The following MCM8 variants were observed in gnomAD, a reference collection of about 807,000 sequenced individuals.
MCM8 encodes minichromosome maintenance 8 homologous recombination repair factor, also known as DNA helicase MCM8.
A neutral mutation model predicts 98.9 loss-of-function variants in MCM8; 85 were observed. The ratio of observed to expected loss-of-function variants is 0.86; its 90% CI spans 0.72 to 1.03. MCM8 has a LOEUF of 1.03. Among genes scored for constraint, MCM8 ranks in the 50% least tolerant of loss-of-function variants. The probability of loss-of-function intolerance (pLI) is 0.00; values close to 1 mark genes in which losing one functional copy is unlikely to be tolerated. For synonymous variants in MCM8, 352 were observed against 338.6 expected (o/e 1.04, Z -0.44); for missense variants, 951 against 997.8 (o/e 0.95, Z 0.63).
At chr20:5,974,352 C>G (rs917351631) in intron 12 of MCM8, among the ~76,000 whole-genome samples, 1 of 152,022 alleles carries the variant, frequency 6.6e-6, no homozygotes, top group East Asian at 1.9e-4. Flanking sequence ...GTCTCGAACT[C>G]CTGGGCTCAA....
chr20:5,952,189 T>C (rs201974343), intron 2 of MCM8, 26 bp downstream of exon 2: 310 of 1,607,030 alleles, frequency 1.9e-4, no homozygotes, highest in Non-Finnish European at 2.6e-4. Flanking sequence ...GATTGTTCAA[T>C]TTTTTTCACT....
In MCM8 at chr20:5,955,185, T is replaced by TA; in HGVS notation, c.421dup (p.Ile141AsnfsTer4). The TA allele has an allele frequency of 6.2e-7, 1 of 1,613,966 alleles. No individual in the cohort carries two copies. The highest frequency in any genetic ancestry group is 8.5e-7 in the Non-Finnish European group (1 of 1,179,904). On this transcript the variant is annotated frameshift_variant, in exon 5 of 19. Transcript: ENST00000610722. LOFTEE classifies it high-confidence loss of function. The stretch of plus-strand genomic sequence containing the variant: ...GTGAAGTAACTAACTTGATACCAGA[T>TA]ATAGCAACTGAACTAAGAGATGCAC...
At chr20:5,972,593 C>T (rs936964009) in intron 11 of MCM8, 15 of 385,002 alleles carry the variant, frequency 3.9e-5, no homozygotes, top group South Asian at 1.1e-4. Context: ...CTTGCTCTGT[C>T]GCCCAGGCTA....
Position 5,967,669 on chromosome 20 carries a change from A to G in MCM8, c.1027+82A>G, listed in dbSNP as rs538417319. On this transcript the variant is annotated intron_variant, in intron 9 of 18. Coordinates refer to ENST00000610722, the MANE Select transcript of MCM8 (RefSeq NM_032485.6). ...CTTTTCTAAGATGCTCCTGAACCTC[A>G]AATAATTTGAGGAATTTCTTGTTGC... The G allele has an allele frequency of 3.4e-6, 5 of 1,470,862 alleles. No individual in the cohort carries two copies. The South Asian group carries it at 6.7e-5, about 20-fold the overall frequency. The allele number at this position is 1,470,862 out of a possible 1,614,324, so 91.1% of individuals were successfully genotyped here.
intron 13 of MCM8, 32 bp from the exon 14 acceptor site, chr20:5,982,938 G>GT (rs1047459086): frequency 1.9e-6 from 3 of 1,561,064 alleles, no homozygotes; most frequent in Admixed American, 2.1e-5. Flanking sequence ...AAGAAAAAAT[G>GT]TTTTTTCTGC....
chr20:5,986,310 A>G (rs2089734328), intron 16 of MCM8, among the ~76,000 whole-genome samples, 179 bp downstream of exon 16: 1 of 152,244 alleles, frequency 6.6e-6, no homozygotes, highest in Non-Finnish European at 1.5e-5. Context: ...ATATCCAAGT[A>G]TAGCTACTTC....
chr20:5,987,751 C>G (rs966883824), intron 17 of MCM8, among the ~76,000 whole-genome samples: 1 of 151,930 alleles, frequency 6.6e-6, no homozygotes, highest in Non-Finnish European at 1.5e-5. Context: ...CTAGAGTATT[C>G]TATTGTGTAG....
chr20:5,985,410 C>G (rs1322404020), intron 15 of MCM8, among the ~76,000 whole-genome samples: 1 of 142,512 alleles, frequency 7.0e-6, no homozygotes, highest in African/African-American at 2.7e-5. Flanking sequence ...CACCACTGCA[C>G]TCCAGCCTGA....
rs28403619 is a variant in MCM8 at position 5,967,896 on chromosome 20, G to A, written c.1094G>A (p.Ser365Asn). ...ATTGAAGCAAATTCTATTAGTAATA[G>A]CAAAGGACAGAAAACAAAGAGTTCT... Reference protein sequence around the residue: ...LYIEANSISNSKGQKTKSSED... With the variant: ...LYIEANSISNNKGQKTKSSED... Residue 365 changes from serine (S) to asparagine (N), a missense_variant, in exon 10 of 19, where the codon AGC becomes AAC. Coordinates refer to ENST00000610722, the MANE Select transcript of MCM8 (RefSeq NM_032485.6). 16,561 of 1,613,848 alleles carry A rather than the reference G, an allele frequency of 0.01. 1,352 individuals are homozygous for A. In the East Asian group the frequency reaches 0.23, roughly 23 times the overall value.
rs766841571 is a variant in MCM8 at position 5,984,770 on chromosome 20, A to G, written c.1734-11A>G. On this transcript the variant is annotated splice_polypyrimidine_tract_variant and intron_variant, in intron 14 of 18. Coordinates refer to ENST00000610722, the MANE Select transcript of MCM8 (RefSeq NM_032485.6). ...CCAATCATTGTTTCTTCTTTCTTTC[A>G]TCCTTCATAGAATGGGGAGTGCACT... is the stretch of plus-strand genomic sequence containing the variant. The G allele has an allele frequency of 1.3e-6, 2 of 1,585,294 alleles. No homozygotes were observed. Among genetic ancestry groups the G allele is most frequent in the East Asian group, 2.2e-5 (1 of 44,598 alleles).
At chr20:5,953,360 A>C (rs1241979279) in intron 3 of MCM8, among the ~76,000 whole-genome samples, 2 of 152,118 alleles carry the variant, frequency 1.3e-5, no homozygotes, top group Admixed American at 6.5e-5. Context: ...CAATTAACCT[A>C]CATCAGTCTG....
chr20:5,980,471 C>T (rs955797493), intron 13 of MCM8, among the ~76,000 whole-genome samples: 11 of 151,832 alleles, frequency 7.2e-5, no homozygotes, highest in Non-Finnish European at 1.5e-4. Flanking sequence ...ACATGTATCT[C>T]GTTATTATAT....
Position 5,963,366 on chromosome 20 carries a change from G to C in MCM8, c.875+7G>C, listed in dbSNP as rs201832610. On this transcript the variant is annotated splice_region_variant and intron_variant, in intron 8 of 18. Transcript: ENST00000610722. ...TGGACTGGCAGTCAATCAAGTAAGC[G>C]ATCAGACTGTTACATAAAAGGCAGG... 1 of 1,610,160 alleles carries C rather than the reference G, an allele frequency of 6.2e-7. No individual in the cohort carries two copies. Among genetic ancestry groups the C allele is most frequent in the Non-Finnish European group, 8.5e-7 (1 of 1,176,920 alleles).
In MCM8 at chr20:5,983,053, C is replaced by G; in HGVS notation, c.1621C>G (p.Leu541Val). The change falls in exon 14 of 19, where the codon CTT becomes GTT. Residue 541 changes from leucine (L) to valine (V), a missense_variant. Physicochemically the swap from Leu to Val is conservative, Grantham distance 32. Transcript: ENST00000610722. ...AGCCATGGAGCAGCAAAGTATTAGTCTTGCTAAGGCTGGTGTGGTTTGTAG... is the reference window on the plus strand; with the variant it reads ...AGCCATGGAGCAGCAAAGTATTAGTGTTGCTAAGGCTGGTGTGGTTTGTAG... ...LEAMEQQSIS[L>V]AKAGVVCSLP... 1 of 1,614,136 alleles carries G rather than the reference C, an allele frequency of 6.2e-7. No homozygotes were observed. Among genetic ancestry groups the G allele is most frequent in the Non-Finnish European group, 8.5e-7 (1 of 1,180,002 alleles).
intron 7 of MCM8, among the ~76,000 whole-genome samples, chr20:5,961,781 C>A (rs2089149245): frequency 6.6e-6 from 1 of 152,046 alleles, no homozygotes; most frequent in African/African-American, 2.4e-5. Flanking sequence ...TTTTCATGCC[C>A]CCTAATAAAT....
intron 8 of MCM8, chr20:5,965,645 C>CCT (rs1438848876): frequency 6.6e-6 from 1 of 152,204 alleles, no homozygotes; most frequent in Non-Finnish European, 1.5e-5. Flanking sequence ...ACTCAAGCAT[C>CCT]AAATTATCTT....
chr20:5,994,427 T>TCTGCAATAAACCCAG lies in MCM8; in HGVS notation c.*36_*37insCTGCAATAAACCCAG. The TCTGCAATAAACCCAG allele has an allele frequency of 7.0e-7, 1 of 1,429,456 alleles. No individual in the cohort carries two copies. Among genetic ancestry groups the TCTGCAATAAACCCAG allele is most frequent in the Non-Finnish European group, 9.7e-7 (1 of 1,032,004 alleles). The allele number at this position is 1,429,456 out of a possible 1,614,324, so 88.5% of individuals were successfully genotyped here. A position where few individuals can be genotyped will look rare whatever the true frequency, so the allele number is the denominator to read the frequency against. On this transcript the variant is annotated 3_prime_UTR_variant, in exon 19 of 19. Coordinates refer to ENST00000610722, the MANE Select transcript of MCM8 (RefSeq NM_032485.6). ...CCAAGTTAGGGCCTCCTGGGTTTAT[T>TCTGCAATAAACCCAG]GCAGATTAAAGCCATCTCAGTGAAG... is the stretch of plus-strand genomic sequence containing the variant.
rs536739164 is a variant in MCM8, at chr20:5,987,173, C to T, written c.2164-109C>T. The T allele has an allele frequency of 2.4e-4, 249 of 1,041,952 alleles. 3 individuals carry two copies. The Middle Eastern group carries it at 2.6e-3, about 11-fold the overall frequency. The allele number at this position is 1,041,952 out of a possible 1,614,324, so 64.5% of individuals were successfully genotyped here. A position where few individuals can be genotyped will look rare whatever the true frequency, so the allele number is the denominator to read the frequency against. Reference sequence around the variant, plus strand: ...TGACTTTTGATGTTATAACCTTCCTCGCCTAAAGGTCAGTTTTTGTGTAAA... The same window carrying T: ...TGACTTTTGATGTTATAACCTTCCTTGCCTAAAGGTCAGTTTTTGTGTAAA... On this transcript the variant is annotated intron_variant, in intron 16 of 18. Transcript: ENST00000610722.
At position 5,998,969 on chromosome 20, in the gene MCM8, T is replaced by TAAAA. The variant is rs2089991082; in HGVS notation, c.*4583_*4586dup. On this transcript the variant is annotated 3_prime_UTR_variant, in exon 19 of 19. Transcript: ENST00000610722. ...TATACATAACACTGATTAAAAATTT[T>TAAAA]AAAAAAAAGGTTAAAACAAAAACTG... 6.6e-6 allele frequency: 1 copy of TAAAA among 151,138 alleles called. No homozygotes were observed. The highest frequency in any genetic ancestry group is 1.5e-5 in the Non-Finnish European group (1 of 67,816). 9.4% of individuals were successfully genotyped at this position (151,138 alleles called of 1,614,324 possible). A position where few individuals can be genotyped will look rare whatever the true frequency, so the allele number is the denominator to read the frequency against.
Sources: gnomAD v4.1 joint callset for allele counts (sites outside exome capture counted in the v4.1 genomes callset) on GRCh38, gnomAD v4.1.1 for gene constraint, MANE v1.5 for transcripts, NCBI Gene and HGNC (gene_info 2026-07-23, HGNC 2026-07-21) for gene names.